The following MTHFS variants were observed in gnomAD, a reference collection of about 807,000 sequenced individuals.
MTHFS encodes the protein 5-formyltetrahydrofolate cyclo-ligase.
A neutral mutation model predicts 12.7 loss-of-function variants in MTHFS; 7 were observed. The observed-to-expected ratio is 0.55, with a 90% CI of 0.31 to 1.03. The LOEUF (loss-of-function observed/expected upper bound fraction) is 1.03, where lower values mean the gene tolerates loss of function less well. MTHFS is among the 50% of genes least tolerant of loss of function. The probability of loss-of-function intolerance (pLI) is 0.05; values close to 1 mark genes in which losing one functional copy is unlikely to be tolerated. For missense variants in MTHFS, 252 were observed against 258.1 expected (o/e 0.98, Z 0.16); for synonymous variants, 100 against 97.1 (o/e 1.03, Z -0.18).
At chr15:79,849,887 C>T (rs2033683523) in intron 2 of MTHFS, among the ~76,000 whole-genome samples, 1 of 152,228 alleles carries the variant, frequency 6.6e-6, no homozygotes, top group Non-Finnish European at 1.5e-5. Context: ...CTTTGGAAAA[C>T]TCACCCAACC....
intron 2 of MTHFS, among the ~76,000 whole-genome samples, chr15:79,881,375 G>A (rs1032302612): frequency 6.6e-6 from 1 of 152,124 alleles, no homozygotes; most frequent in African/African-American, 2.4e-5. Flanking sequence ...ATCTTAATGG[G>A]CTGGGAGTTA....
chr15:79,869,205 T>G (rs1037752311), intron 2 of MTHFS, among the ~76,000 whole-genome samples: 5 of 152,234 alleles, frequency 3.3e-5, no homozygotes, highest in African/African-American at 1.2e-4. Flanking sequence ...ACAAGTATCC[T>G]TACTTTGTTG....
intron 2 of MTHFS, among the ~76,000 whole-genome samples, chr15:79,855,227 A>G (rs963242822): frequency 6.6e-5 from 10 of 152,354 alleles, no homozygotes; most frequent in Admixed American, 2.6e-4. Context: ...GCAGATACTG[A>G]CAAAAATAAA....
chr15:79,850,578 A>C (rs1481703024), intron 2 of MTHFS, among the ~76,000 whole-genome samples: 1 of 152,230 alleles, frequency 6.6e-6, no homozygotes, highest in Non-Finnish European at 1.5e-5. Flanking sequence ...GTGGGGCTGC[A>C]ATGTGATAAC....
At chr15:79,890,872 G>A (rs753796674) in intron 1 of MTHFS, among the ~76,000 whole-genome samples, 1 of 152,164 alleles carries the variant, frequency 6.6e-6, no homozygotes, top group Non-Finnish European at 1.5e-5. Context: ...GCAGGCCTGG[G>A]GCTTTTGGCA....
chr15:79,855,672 C>T (rs536323612), intron 2 of MTHFS, among the ~76,000 whole-genome samples: 1 of 152,116 alleles, frequency 6.6e-6, no homozygotes, highest in Non-Finnish European at 1.5e-5. Flanking sequence ...TTCTCCCACT[C>T]CCCATCCTCA....
At chr15:79,896,825 T>C in intron 1 of MTHFS, 47 bp downstream of exon 1, 11 of 1,532,330 alleles carry the variant, frequency 7.2e-6, no homozygotes, top group Non-Finnish European at 9.6e-6. Flanking sequence ...CCGCCAGGCC[T>C]TCGGAGGGTC....
intron 2 of MTHFS, among the ~76,000 whole-genome samples, chr15:79,852,750 T>C (rs2033738565): frequency 6.6e-6 from 1 of 152,240 alleles, no homozygotes; most frequent in Non-Finnish European, 1.5e-5. Context: ...TATCCCTGGA[T>C]GACACGGGTC....
At chr15:79,872,844 G>A (rs148135567) in intron 2 of MTHFS, among the ~76,000 whole-genome samples, 8 of 152,202 alleles carry the variant, frequency 5.3e-5, no homozygotes, top group Non-Finnish European at 1.0e-4. Context: ...TATCCTGTCT[G>A]GACCACATCC....
At chr15:79,896,689 C>T in intron 1 of MTHFS, 183 bp downstream of exon 1, 1 of 1,147,766 alleles carries the variant, frequency 8.7e-7, no homozygotes, top group South Asian at 1.7e-5. Context: ...GCCATAGTGC[C>T]AAGAGCGTCC....
intron 2 of MTHFS, among the ~76,000 whole-genome samples, chr15:79,864,232 A>G (rs1254048090): frequency 3.9e-5 from 6 of 152,182 alleles, no homozygotes; most frequent in Admixed American, 2.0e-4. Context: ...TAATTTACCC[A>G]TGTCACTGTC....
intron 2 of MTHFS, among the ~76,000 whole-genome samples, chr15:79,867,513 T>G (rs1343678551): frequency 6.6e-6 from 1 of 152,076 alleles, no homozygotes; most frequent in Non-Finnish European, 1.5e-5. Context: ...AAATCTTTAT[T>G]CTCTTGTAGC....
Position 79,893,654 on chromosome 15 carries a change from C to T in MTHFS, c.117+3218G>A, listed in dbSNP as rs550582718. On this transcript the variant is annotated intron_variant, in intron 1 of 2. Transcript: ENST00000258874. ...CAGAGCTTGCAGTAAGCCGAGATCACGCCACTGCATAACAGCCTGGGCAAC... is the reference window on the plus strand; with the variant it reads ...CAGAGCTTGCAGTAAGCCGAGATCATGCCACTGCATAACAGCCTGGGCAAC... Among the ~76,000 whole-genome samples, 7 of 149,036 alleles carry T rather than the reference C, an allele frequency of 4.7e-5. No individual in the cohort carries two copies. The South Asian group carries it at 1.3e-3, about 27-fold the overall frequency.
intron 2 of MTHFS, among the ~76,000 whole-genome samples, chr15:79,884,117 T>C (rs2034343782): frequency 2.6e-5 from 4 of 152,206 alleles, no homozygotes; most frequent in Admixed American, 2.6e-4. Context: ...TGAGTCCACT[T>C]ACAGGTAAGA....
At chr15:79,878,113 G>T (rs1043816838) in intron 2 of MTHFS, 12 of 152,064 alleles carry the variant, frequency 7.9e-5, no homozygotes, top group Non-Finnish European at 1.2e-4. Context: ...CAAAAGACTG[G>T]TTTTTTCTCT....
At chr15:79,863,891 C>A (rs187944196) in intron 2 of MTHFS, among the ~76,000 whole-genome samples, 2 of 152,314 alleles carry the variant, frequency 1.3e-5, no homozygotes, top group Non-Finnish European at 2.9e-5. Context: ...TTCACTGATA[C>A]TTTGGAGTTT....
At chr15:79,885,069 T>C (rs1292890161) in intron 2 of MTHFS, among the ~76,000 whole-genome samples, 1 of 152,176 alleles carries the variant, frequency 6.6e-6, no homozygotes, top group East Asian at 1.9e-4. Context: ...ATACCCACTA[T>C]CTTTTATTAT....
chr15:79,845,236 G>C lies in MTHFS; in HGVS notation c.586C>G (p.Leu196Val), dbSNP rs1489428609. Reference sequence around the variant, plus strand: ...TAAGCTGTTGACGAGTCTTCGTAAAGGACTTCATCTACCTTCATGTCGTTT... The same window carrying C: ...TAAGCTGTTGACGAGTCTTCGTAAACGACTTCATCTACCTTCATGTCGTTT... ...NENDMKVDEV[L>V]YEDSSTA Residue 196 changes from leucine (L) to valine (V), a missense_variant, in exon 3 of 3, where the codon CTT (leucine) becomes GTT (valine). By Grantham distance (32) the Leu-to-Val change is conservative. Transcript: ENST00000258874. The C allele has an allele frequency of 1.2e-6, 2 of 1,614,032 alleles. No individual in the cohort carries two copies. The highest frequency in any genetic ancestry group is 8.5e-7 in the Non-Finnish European group (1 of 1,180,030).
chr15:79,870,972 T>C (rs1432442031), intron 2 of MTHFS, among the ~76,000 whole-genome samples: 1 of 151,890 alleles, frequency 6.6e-6, no homozygotes, highest in African/African-American at 2.4e-5. Context: ...GTGAAAGCTG[T>C]CTCTACTAAA....
Sources: gnomAD v4.1 joint callset for allele counts (sites outside exome capture counted in the v4.1 genomes callset) on GRCh38, gnomAD v4.1.1 for gene constraint, MANE v1.5 for transcripts, NCBI Gene and HGNC (gene_info 2026-07-23, HGNC 2026-07-21) for gene names.